The following LRPPRC variants were observed in gnomAD, a reference collection of about 807,000 sequenced individuals.
LRPPRC encodes leucine-rich PPR motif-containing protein, mitochondrial.
LRPPRC carries 120 observed loss-of-function variants against 180.3 expected under a neutral mutation model. That is an observed-to-expected ratio of 0.67 (90% CI 0.57 to 0.77). The LOEUF is 0.77. LRPPRC is among the 30% of genes least tolerant of loss of function. The pLI is 0.00. For missense variants in LRPPRC, 2,012 were observed against 1,657.2 expected (o/e 1.21, Z -3.72); for synonymous variants, 723 against 600.0 (o/e 1.21, Z -3.00).
chr2:43,891,449 T>G (rs1670489556), intron 36 of LRPPRC, among the ~76,000 whole-genome samples: 1 of 152,248 alleles, frequency 6.6e-6, no homozygotes, highest in Non-Finnish European at 1.5e-5. Context: ...TTACTTTGTG[T>G]CTCTGTGTCA....
chr2:43,994,597 G>GCTGCAGTGT (rs1553416462), intron 1 of LRPPRC, among the ~76,000 whole-genome samples: 2 of 151,080 alleles, frequency 1.3e-5, no homozygotes, highest in African/African-American at 4.9e-5. Flanking sequence ...TCTGGAGTAG[G>GCTGCAGTGT]CTGCAGTCTG....
Position 43,957,434 on chromosome 2 carries a change from G to C in LRPPRC, c.1600C>G (p.Pro534Ala). 2 of 1,612,754 alleles carry C rather than the reference G, an allele frequency of 1.2e-6. No homozygotes were observed. Among genetic ancestry groups the C allele is most frequent in the Non-Finnish European group, 8.5e-7 (1 of 1,178,832 alleles). Reference sequence around the variant, plus strand: ...CTTCTTATAGACTGCAGCGAGATGGGCAATGTATTTGATTTCACTGCAAAA... The same window carrying C: ...CTTCTTATAGACTGCAGCGAGATGGCCAATGTATTTGATTTCACTGCAAAA... ...VLSFLKSNTLPISLQSIRSSL... is the reference protein window; with the variant it reads ...VLSFLKSNTLAISLQSIRSSL... The change falls in exon 14 of 38, where the codon CCC becomes GCC. Residue 534 changes from proline (P) to alanine (A), a missense_variant. Coordinates refer to ENST00000260665, the MANE Select transcript of LRPPRC (RefSeq NM_133259.4).
At chr2:43,944,060 C>A (rs533386053) in intron 22 of LRPPRC, among the ~76,000 whole-genome samples, 166 bp from the exon 23 acceptor site, 1 of 152,020 alleles carries the variant, frequency 6.6e-6, no homozygotes, top group Non-Finnish European at 1.5e-5. Flanking sequence ...ATTATAAATC[C>A]ACAATAGCAT....
In LRPPRC at chr2:43,974,741, C is replaced by T; in HGVS notation, c.882G>A (p.Glu294=). Reference sequence around the variant, plus strand: ...GGTCCATAAGGTGAAGCTCGGACTTCTCCACCTTCTCCAGAGTCTATAGAG... The same window carrying T: ...GGTCCATAAGGTGAAGCTCGGACTTTTCCACCTTCTCCAGAGTCTATAGAG... ...DHVKQTLEKV[E]KSELHLMDRD... Residue 294 remains glutamate (E), a synonymous_variant, in exon 8 of 38, where the codon GAG becomes GAA. Coordinates refer to ENST00000260665, the MANE Select transcript of LRPPRC (RefSeq NM_133259.4). 1 of 1,613,554 alleles carries T rather than the reference C, an allele frequency of 6.2e-7. No individual in the cohort carries two copies. The highest frequency in any genetic ancestry group is 1.3e-5 in the African/African-American group (1 of 75,008).
intron 20 of LRPPRC, among the ~76,000 whole-genome samples, chr2:43,947,020 C>CGA (rs1250510710): frequency 6.6e-6 from 1 of 152,056 alleles, no homozygotes; most frequent in Non-Finnish European, 1.5e-5. Context: ...TATGATAAAC[C>CGA]TATCACAGCT....
intron 15 of LRPPRC, 95 bp from the exon 16 acceptor site, chr2:43,949,754 C>A: frequency 1.2e-6 from 1 of 818,882 alleles, no homozygotes; most frequent in East Asian, 2.6e-5. Context: ...AAACCTCTCC[C>A]CAGTAAGGTA....
Position 43,886,838 on chromosome 2 carries a change from A to G in LRPPRC, c.*1762T>C, listed in dbSNP as rs766846077. The G allele has an allele frequency of 2.0e-5, 3 of 152,212 alleles. No individual in the cohort carries two copies. Among genetic ancestry groups the G allele is most frequent in the African/African-American group, 4.8e-5 (2 of 41,446 alleles). The allele number at this position is 152,212 out of a possible 1,614,324, so 9.4% of individuals were successfully genotyped here. ...TGAGGCCTGCTTCAGTGCAATCACT[A>G]AAGACAGGAGTGAGGCTCTTGGCCA... is the stretch of plus-strand genomic sequence containing the variant. On this transcript the variant is annotated 3_prime_UTR_variant, in exon 38 of 38. Coordinates refer to ENST00000260665, the MANE Select transcript of LRPPRC (RefSeq NM_133259.4).
chr2:43,922,044 A>T (rs1394018385), intron 27 of LRPPRC, among the ~76,000 whole-genome samples: 1 of 152,230 alleles, frequency 6.6e-6, no homozygotes, highest in Non-Finnish European at 1.5e-5. Context: ...AAAATTCCTT[A>T]AGCAAGTGAG....
At chr2:43,892,931 A>AC (rs1456126449) in intron 36 of LRPPRC, 1 of 152,216 alleles carries the variant, frequency 6.6e-6, no homozygotes, top group Non-Finnish European at 1.5e-5. Flanking sequence ...GCCATTAAGA[A>AC]CATCTGTAAT....
At chr2:43,962,069 T>G (rs1435819191) in intron 12 of LRPPRC, among the ~76,000 whole-genome samples, 2 of 152,182 alleles carry the variant, frequency 1.3e-5, no homozygotes, top group South Asian at 4.1e-4. Context: ...ATTCCAGCAA[T>G]GAAGGCAACA....
chr2:43,995,738 C>T, intron 1 of LRPPRC, 61 bp downstream of exon 1: 1 of 1,338,164 alleles, frequency 7.5e-7, no homozygotes, highest in Non-Finnish European at 9.5e-7. Flanking sequence ...CCTGCCGGCA[C>T]CCACGACCCC....
At chr2:43,965,451 G>A (rs1179366950) in intron 11 of LRPPRC, among the ~76,000 whole-genome samples, 2 of 152,122 alleles carry the variant, frequency 1.3e-5, no homozygotes, top group Non-Finnish European at 2.9e-5. Flanking sequence ...GAAAACACTG[G>A]CCTTGACAAC....
chr2:43,928,637 G>C (rs1344653492), intron 25 of LRPPRC, among the ~76,000 whole-genome samples: 1 of 152,098 alleles, frequency 6.6e-6, no homozygotes, highest in Non-Finnish European at 1.5e-5. Flanking sequence ...TGTAGTCCCA[G>C]CTACTCGGGA....
At chr2:43,932,153 A>AAAAAAAAAAAAT (rs1672114749) in intron 25 of LRPPRC, among the ~76,000 whole-genome samples, 1 of 144,102 alleles carries the variant, frequency 6.9e-6, no homozygotes, top group African/African-American at 2.6e-5. Flanking sequence ...AAAAAAAAAA[A>AAAAAAAAAAAAT]GACTGGAGAC....
intron 36 of LRPPRC, among the ~76,000 whole-genome samples, chr2:43,893,611 A>G (rs544662635): frequency 1.3e-5 from 2 of 152,318 alleles, no homozygotes; most frequent in Admixed American, 6.5e-5. Flanking sequence ...AATACACTAC[A>G]CTATGGTGTA....
At chr2:43,902,847 AC>A (rs1353990181) in intron 31 of LRPPRC, 1 of 152,196 alleles carries the variant, frequency 6.6e-6, no homozygotes, top group Admixed American at 6.5e-5. Flanking sequence ...AACAATAATA[AC>A]AAAAATAAGA....
chr2:43,906,043 A>G (rs1671057667), intron 30 of LRPPRC, among the ~76,000 whole-genome samples: 2 of 152,226 alleles, frequency 1.3e-5, no homozygotes, highest in Admixed American at 6.5e-5. Context: ...CAATCGGTTC[A>G]GATTCTTGAA....
intron 2 of LRPPRC, among the ~76,000 whole-genome samples, chr2:43,980,906 G>A (rs1572575346): frequency 6.6e-6 from 1 of 152,282 alleles, no homozygotes; most frequent in Middle Eastern, 3.4e-3. Context: ...TGATTGTAGT[G>A]ATGGTTGAAT....
chr2:43,980,001 G>C (rs1674233113), intron 2 of LRPPRC, 53 bp from the exon 3 acceptor site: 4 of 1,548,986 alleles, frequency 2.6e-6, no homozygotes, highest in African/African-American at 1.4e-5. Flanking sequence ...ATATCACATA[G>C]ATAAATATCA....
Sources: gnomAD v4.1 joint callset for allele counts (sites outside exome capture counted in the v4.1 genomes callset) on GRCh38, gnomAD v4.1.1 for gene constraint, MANE v1.5 for transcripts, NCBI Gene and HGNC (gene_info 2026-07-23, HGNC 2026-07-21) for gene names.